CWC27: variants seen among roughly 807,000 people sequenced by gnomAD.
CWC27 encodes the protein CWC27 spliceosome associated cyclophilin.
A neutral mutation model predicts 63.6 loss-of-function variants in CWC27; 47 were observed. That is an observed-to-expected ratio of 0.74 (90% CI 0.58 to 0.94). The LOEUF (loss-of-function observed/expected upper bound fraction) is 0.94. Among genes scored for constraint, CWC27 ranks in the 40% least tolerant of loss-of-function variants. The probability of loss-of-function intolerance (pLI) is 0.00; values close to 1 mark genes in which losing one functional copy is unlikely to be tolerated. For synonymous variants in CWC27, 175 were observed against 179.8 expected, an observed-to-expected ratio of 0.97 and a Z score of 0.22; for missense variants, 495 against 554.3, an observed-to-expected ratio of 0.89 and a Z score of 1.07.
At chr5:64,946,949 A>G (rs1339020518) in intron 11 of CWC27, among the ~76,000 whole-genome samples, 1 of 152,146 alleles carries the variant, frequency 6.6e-6, no homozygotes, top group Non-Finnish European at 1.5e-5. Context: ...TCAGCCTAGT[A>G]CATAGGTCTA....
chr5:64,845,183 C>T (rs138619334), intron 10 of CWC27, among the ~76,000 whole-genome samples: 2,095 of 152,318 alleles, frequency 0.014, 28 homozygotes, highest in African/African-American at 0.038. Flanking sequence ...CAAGCTCTGA[C>T]TCCCTGGGAT....
chr5:65,003,296 ATAGGT>A (rs1749767471), intron 13 of CWC27, among the ~76,000 whole-genome samples: 1 of 152,138 alleles, frequency 6.6e-6, no homozygotes. Context: ...ATTATTATTG[ATAGGT>A]TAGGATTTAT....
rs59929214 is a variant in CWC27 at position 64,769,357 on chromosome 5, C to A, written c.42+169C>A. Among the ~76,000 whole-genome samples the A allele has an allele frequency of 8.4e-3, 1,284 of 152,244 alleles. 16 individuals are homozygous for A. Among genetic ancestry groups the A allele is most frequent in the African/African-American group, 0.029 (1,223 of 41,530 alleles). ...TTGCATCGAAACACTGATGTTGGTA[C>A]TTTTCAGGATGTACTTGAAGAAGTC... On this transcript the variant is annotated intron_variant, in intron 1 of 13. Coordinates refer to ENST00000381070, the MANE Select transcript of CWC27 (RefSeq NM_005869.4).
At chr5:64,775,143 G>T (rs1006944580) in intron 2 of CWC27, among the ~76,000 whole-genome samples, 1 of 152,102 alleles carries the variant, frequency 6.6e-6, no homozygotes, top group Non-Finnish European at 1.5e-5. Flanking sequence ...CAGTCCAAAT[G>T]ACTACCACAT....
chr5:64,808,374 C>T, intron 10 of CWC27: 1 of 965,654 alleles, frequency 1.0e-6, no homozygotes, highest in Non-Finnish European at 1.2e-6. Flanking sequence ...CTATGTGCAC[C>T]CTTTTCACAC....
intron 11 of CWC27, among the ~76,000 whole-genome samples, chr5:64,901,264 A>T (rs962525103): frequency 6.6e-6 from 1 of 152,102 alleles, no homozygotes; most frequent in African/African-American, 2.4e-5. Flanking sequence ...GATGGAGACC[A>T]TCCTGGCTAA....
Position 64,804,347 on chromosome 5 carries a change from C to T in CWC27, c.899C>T (p.Ala300Val). The T allele has an allele frequency of 1.2e-6, 2 of 1,612,642 alleles. No individual in the cohort carries two copies. The highest frequency in any genetic ancestry group is 1.7e-6 in the Non-Finnish European group (2 of 1,179,396). Residue 300 changes from alanine to valine, a missense_variant, in exon 10 of 14, where the codon GCT becomes GTT. This residue lies in a region of CWC27 where 463 missense variants were observed against 498.1 expected (regional missense o/e 0.93). Coordinates refer to ENST00000381070, the MANE Select transcript of CWC27 (RefSeq NM_005869.4). ...KKDTSANVKSAGEGEVEKKSV... is the reference protein window; with the variant it reads ...KKDTSANVKSVGEGEVEKKSV... ...GACACAAGTGCGAATGTTAAATCAG[C>T]TGGAGAAGGAGAAGTGGAGAAGAAA...
At chr5:64,953,076 G>C (rs1403236879) in intron 11 of CWC27, among the ~76,000 whole-genome samples, 2 of 152,058 alleles carry the variant, frequency 1.3e-5, no homozygotes, top group African/African-American at 4.8e-5. Context: ...TTTGGTTATG[G>C]TTGAATAGAA....
At chr5:64,846,627 C>T (rs1745986645) in intron 10 of CWC27, among the ~76,000 whole-genome samples, 1 of 151,950 alleles carries the variant, frequency 6.6e-6, no homozygotes, top group African/African-American at 2.4e-5. Context: ...AGAAAACCAT[C>T]AAATCACAAA....
intron 11 of CWC27, among the ~76,000 whole-genome samples, chr5:64,888,986 G>A (rs1747154661): frequency 6.6e-6 from 1 of 152,132 alleles, no homozygotes; most frequent in South Asian, 2.1e-4. Flanking sequence ...AATGCACTGA[G>A]AAGGAATACT....
rs1471565108 is a variant in CWC27, at chr5:64,897,413, GGAT to G, written c.1042+11870_1042+11872del. Among the ~76,000 whole-genome samples, 3 of 152,224 alleles carry G rather than the reference GGAT, an allele frequency of 2.0e-5. No individual in the cohort carries two copies. In the East Asian group the frequency reaches 5.8e-4, roughly 29 times the overall value. ...TGGAATACTATGCAGCTATAAAAAA[GGAT>G]GAGTTCATGTCCTTTGCAGGGACAT... On this transcript the variant is annotated intron_variant, in intron 11 of 13. Transcript: ENST00000381070.
chr5:64,876,158 G>A (rs1746789024), intron 10 of CWC27, among the ~76,000 whole-genome samples: 1 of 152,062 alleles, frequency 6.6e-6, no homozygotes, highest in Admixed American at 6.5e-5. Context: ...ATAAACTACA[G>A]TACATTTTGG....
rs1217198416 is a variant in CWC27 at position 64,990,251 on chromosome 5, GT to G, written c.1256+13027del. Among the ~76,000 whole-genome samples the G allele has an allele frequency of 5.5e-3, 149 of 26,970 alleles. 11 individuals are homozygous for G. Among genetic ancestry groups the G allele is most frequent in the African/African-American group, 0.012 (70 of 5,946 alleles). The allele number at this position is 26,970 out of a possible 152,430, so 17.7% of individuals were successfully genotyped here. On this transcript the variant is annotated intron_variant, in intron 13 of 13. Coordinates refer to ENST00000381070, the MANE Select transcript of CWC27 (RefSeq NM_005869.4). ...TAGAGTTTTTATTTGTTTTTTTTTT[GT>G]TTTTTTTTTTTTTGTTTTTTTTTTT... is the stretch of plus-strand genomic sequence containing the variant.
At chr5:64,798,861 C>A (rs897152529) in intron 7 of CWC27, among the ~76,000 whole-genome samples, 2 of 152,118 alleles carry the variant, frequency 1.3e-5, no homozygotes, top group African/African-American at 4.8e-5. Flanking sequence ...AGAAATTATT[C>A]TTTCTGTCAA....
At chr5:65,014,004 G>T (rs1750008627) in intron 13 of CWC27, among the ~76,000 whole-genome samples, 1 of 151,866 alleles carries the variant, frequency 6.6e-6, no homozygotes, top group Non-Finnish European at 1.5e-5. Context: ...AATTGTGGGA[G>T]AACTTTAAAA....
chr5:64,994,330 ATAT>A (rs1296083086), intron 13 of CWC27, among the ~76,000 whole-genome samples: 1 of 152,154 alleles, frequency 6.6e-6, no homozygotes, highest in Non-Finnish European at 1.5e-5. Flanking sequence ...TGGTTATATA[ATAT>A]TCTATCAAGA....
In CWC27 at chr5:64,999,928, G is replaced by A. The variant is rs867999674; in HGVS notation, c.1257-18231G>A. Among the ~76,000 whole-genome samples the A allele has an allele frequency of 2.6e-5, 4 of 152,110 alleles. No individual in the cohort carries two copies. In the South Asian group the frequency reaches 6.2e-4, roughly 24 times the overall value. On this transcript the variant is annotated intron_variant, in intron 13 of 13. Transcript: ENST00000381070. ...AAACCTCCATACTGTTTTCCATGGT[G>A]GCTATACTAATTTACGTTCACACCA...
At chr5:64,986,695 G>A (rs1016049503) in intron 13 of CWC27, among the ~76,000 whole-genome samples, 2 of 147,218 alleles carry the variant, frequency 1.4e-5, no homozygotes, top group Non-Finnish European at 2.9e-5. Context: ...GCCCCCCCCG[G>A]ACTGGGCCCC....
At chr5:64,814,374 A>G (rs1423533469) in intron 10 of CWC27, among the ~76,000 whole-genome samples, 2 of 152,268 alleles carry the variant, frequency 1.3e-5, no homozygotes, top group Non-Finnish European at 2.9e-5. Flanking sequence ...CCTAACCTAT[A>G]CAAATGAATA....
Sources: gnomAD v4.1 joint callset for allele counts (sites outside exome capture counted in the v4.1 genomes callset) on GRCh38, gnomAD v4.1.1 for gene constraint, gnomAD v4.1.1 regional missense constraint, MANE v1.5 for transcripts, NCBI Gene and HGNC (gene_info 2026-07-23, HGNC 2026-07-21) for gene names.